Variants in RAPH1 observed in about 807,000 individuals in gnomAD.
The protein encoded by RAPH1 is ras-associated and pleckstrin homology domains-containing protein 1.
In RAPH1, 18 loss-of-function variants were observed where a neutral mutation model predicts 88.1. That is an observed-to-expected ratio of 0.20 (90% confidence interval 0.14 to 0.30). The LOEUF (loss-of-function observed/expected upper bound fraction) is 0.30. Among genes scored for constraint, RAPH1 ranks in the 10% least tolerant of loss-of-function variants. The probability of loss-of-function intolerance (pLI) is 1.00; values close to 1 mark genes in which losing one functional copy is unlikely to be tolerated. For missense variants in RAPH1, 1,448 were observed against 1,543.2 expected, an observed-to-expected ratio of 0.94 and a Z score of 1.03; for synonymous variants, 587 against 559.0, an observed-to-expected ratio of 1.05 and a Z score of -0.71.
intron 4 of RAPH1, among the ~76,000 whole-genome samples, chr2:203,463,644 C>G (rs956209879): frequency 3.3e-5 from 5 of 152,090 alleles, no homozygotes; most frequent in Admixed American, 2.0e-4. Context: ...CTCAATTAGG[C>G]AGAAAACAAA....
chr2:203,503,225 A>G (rs1237875649), intron 1 of RAPH1, among the ~76,000 whole-genome samples: 2 of 152,304 alleles, frequency 1.3e-5, no homozygotes, highest in Middle Eastern at 3.4e-3. Flanking sequence ...TTTACATTAG[A>G]TTTTCATAAT....
intron 1 of RAPH1, among the ~76,000 whole-genome samples, chr2:203,504,805 G>A (rs1410761257): frequency 6.6e-6 from 1 of 152,022 alleles, no homozygotes; most frequent in African/African-American, 2.4e-5. Context: ...TTGCTGCTTT[G>A]AAATTTCTTC....
rs766835995 is a variant in RAPH1 at position 203,489,993 on chromosome 2, C to A, written c.323G>T (p.Ser108Ile). Residue 108 changes from serine to isoleucine, a missense_variant, in exon 4 of 14, where the codon AGT (serine) becomes ATT (isoleucine). Around this residue, in one of 2 missense-constraint regions of RAPH1, gnomAD observed 513 missense variants for 653.1 expected, o/e 0.79. Transcript: ENST00000319170. ...TTTCGTTTCTGTGATTTGACGCTTA[C>A]TGTTTCCTGAACCAATGCTGCTGAG... ...QELSSIGSGNSKRQITETKAT... is the reference protein window; with the variant it reads ...QELSSIGSGNIKRQITETKAT... The A allele has an allele frequency of 6.2e-6, 10 of 1,614,102 alleles. No homozygotes were observed. The highest frequency in any genetic ancestry group is 1.3e-5 in the African/African-American group (1 of 74,942).
intron 1 of RAPH1, among the ~76,000 whole-genome samples, chr2:203,510,298 T>G (rs962994675): frequency 2.4e-5 from 3 of 124,548 alleles, no homozygotes; most frequent in South Asian, 5.3e-4. Flanking sequence ...ATCATGCCAC[T>G]GCACTGCAGC....
chr2:203,455,141 T>C (rs1243595634), intron 9 of RAPH1, among the ~76,000 whole-genome samples: 3 of 152,200 alleles, frequency 2.0e-5, no homozygotes, highest in Non-Finnish European at 4.4e-5. Flanking sequence ...AGCTGTGCTG[T>C]TCTTCCCAAA....
chr2:203,440,923 G>C lies in RAPH1; in HGVS notation c.2267C>G (p.Thr756Ser). ...GGGGGGTGTTGGGGGAGCCACCTGA[G>C]TAATATGCTGAACTTGATGGATCTT... ...PLKIHQVQHI[T>S]QVAPPTPPPP... Residue 756 changes from threonine (T) to serine (S), a missense_variant, in exon 14 of 14, where the codon ACT (threonine) becomes AGT (serine). This residue lies in a region of RAPH1 where 935 missense variants were observed against 890.1 expected (regional missense o/e 1.05). Transcript: ENST00000319170. The C allele has an allele frequency of 6.4e-7, 1 of 1,560,094 alleles. No individual in the cohort carries two copies. Among genetic ancestry groups the C allele is most frequent in the South Asian group, 1.2e-5 (1 of 82,002 alleles).
chr2:203,440,771 T>TTG lies in RAPH1; in HGVS notation c.2418_2419insCA (p.Thr807GlnfsTer57). On this transcript the variant is annotated frameshift_variant, in exon 14 of 14. Transcript: ENST00000319170. LOFTEE classifies it low-confidence loss of function (END_TRUNC). ...TTTTTTGCTGGGGGCACTGGAGGAG[T>TTG]AGGTGTGGGTGGTGCAGCTTGAGTC... is the stretch of plus-strand genomic sequence containing the variant. 1 of 1,600,104 alleles carries TTG rather than the reference T, an allele frequency of 6.2e-7. No individual in the cohort carries two copies. Among genetic ancestry groups the TTG allele is most frequent in the Non-Finnish European group, 8.5e-7 (1 of 1,175,780 alleles).
chr2:203,447,188 T>TC (rs2098510675), intron 12 of RAPH1: 1 of 150,052 alleles, frequency 6.7e-6, no homozygotes, highest in Admixed American at 6.6e-5. Context: ...TTTCTTTTTT[T>TC]TTTTTTTTTT....
At chr2:203,477,074 A>C (rs1412275536) in intron 4 of RAPH1, 1 of 1,609,356 alleles carries the variant, frequency 6.2e-7, no homozygotes, top group Admixed American at 1.7e-5. Context: ...TATAGAACTT[A>C]CAGGTGTCAG....
intron 4 of RAPH1, among the ~76,000 whole-genome samples, chr2:203,481,589 A>G (rs1044181083): frequency 2.7e-5 from 4 of 147,452 alleles, no homozygotes; most frequent in African/African-American, 7.4e-5. Context: ...ATATATATAT[A>G]TATATACACA....
At chr2:203,449,033 T>C (rs1293026658) in intron 10 of RAPH1, among the ~76,000 whole-genome samples, 197 bp from the exon 11 acceptor site, 7 of 152,236 alleles carry the variant, frequency 4.6e-5, no homozygotes, top group East Asian at 1.9e-4. Context: ...AAAGAAACTT[T>C]TGTGAAATTT....
At chr2:203,495,754 T>G (rs1559486842) in intron 1 of RAPH1, among the ~76,000 whole-genome samples, 1 of 152,192 alleles carries the variant, frequency 6.6e-6, no homozygotes, top group Non-Finnish European at 1.5e-5. Flanking sequence ...ATTATTGTCC[T>G]GTTTATTCTG....
At chr2:203,442,138 T>A in intron 13 of RAPH1, 1 of 1,514,414 alleles carries the variant, frequency 6.6e-7, no homozygotes, top group South Asian at 1.3e-5. Context: ...TGTAAAAATA[T>A]CATACAGAAA....
intron 1 of RAPH1, among the ~76,000 whole-genome samples, chr2:203,508,053 A>G (rs574388845): frequency 6.6e-6 from 1 of 151,590 alleles, no homozygotes; most frequent in East Asian, 1.9e-4. Context: ...CCTACTTAAA[A>G]AAAAAAATAC....
At chr2:203,446,484 A>T (rs1027507242) in intron 12 of RAPH1, 1 of 152,162 alleles carries the variant, frequency 6.6e-6, no homozygotes, top group African/African-American at 2.4e-5. Context: ...AGCACAGTCC[A>T]CACTTGAGGA....
chr2:203,444,140 A>C (rs75363012), intron 13 of RAPH1: 1 of 123,588 alleles, frequency 8.1e-6, no homozygotes, highest in Non-Finnish European at 1.6e-5. Flanking sequence ...AAGAGAAAAA[A>C]AGAGAGAGAG....
Position 203,438,936 on chromosome 2 carries a change from T to C in RAPH1, c.*501A>G, listed in dbSNP as rs144068679. 63 of 156,418 alleles carry C rather than the reference T, an allele frequency of 4.0e-4. No homozygotes were observed. The highest frequency in any genetic ancestry group is 1.3e-3 in the African/African-American group (54 of 41,590). The allele number at this position is 156,418 out of a possible 1,614,324, so 9.7% of individuals were successfully genotyped here. A position where few individuals can be genotyped will look rare whatever the true frequency, so the allele number is the denominator to read the frequency against. ...GGGAAAAACAAACACAAAAGCCTTA[T>C]AGATACACCAAACATTCTGGTGATT... is the stretch of plus-strand genomic sequence containing the variant. On this transcript the variant is annotated 3_prime_UTR_variant, in exon 14 of 14. Transcript: ENST00000319170.
At chr2:203,463,655 G>C (rs993050121) in intron 4 of RAPH1, among the ~76,000 whole-genome samples, 1 of 152,130 alleles carries the variant, frequency 6.6e-6, no homozygotes, top group Non-Finnish European at 1.5e-5. Flanking sequence ...AGAAAACAAA[G>C]AACTTTATTT....
At chr2:203,528,556 T>C (rs924601080) in intron 1 of RAPH1, among the ~76,000 whole-genome samples, 1 of 152,158 alleles carries the variant, frequency 6.6e-6, no homozygotes, top group Non-Finnish European at 1.5e-5. Context: ...TGTTCCTACA[T>C]GAGCTGCCTT....
Sources: allele counts gnomAD v4.1 joint callset (sites outside exome capture counted in the v4.1 genomes callset), GRCh38; gene constraint gnomAD v4.1.1; regional missense constraint gnomAD v4.1.1; transcripts MANE v1.5; gene names NCBI Gene and HGNC (gene_info 2026-07-23, HGNC 2026-07-21).